DHX34: variants seen among roughly 807,000 people sequenced by gnomAD.
DHX34 encodes the protein probable ATP-dependent RNA helicase DHX34.
In DHX34, 96 loss-of-function variants were observed where a neutral mutation model predicts 111.1. The ratio of observed to expected loss-of-function variants is 0.86; its 90% CI spans 0.73 to 1.02. DHX34 has a LOEUF of 1.02. DHX34 is among the 50% of genes least tolerant of loss of function. The pLI, the probability that DHX34 is intolerant of heterozygous loss-of-function variation, is 0.00. For missense variants in DHX34, 1,560 were observed against 1,579.9 expected (o/e 0.99, Z 0.21); for synonymous variants, 688 against 670.4 (o/e 1.03, Z -0.41).
At chr19:47,376,612 G>C (rs1474418234) in intron 12 of DHX34, 52 bp downstream of exon 12, 3 of 1,537,540 alleles carry the variant, frequency 2.0e-6, no homozygotes, top group Non-Finnish European at 2.6e-6. Flanking sequence ...GAGGGGCAGG[G>C]ATACCGTGAA....
chr19:47,365,414 G>C (rs1290954519), intron 6 of DHX34, among the ~76,000 whole-genome samples: 1 of 152,040 alleles, frequency 6.6e-6, no homozygotes, highest in East Asian at 1.9e-4. Flanking sequence ...ACCAGGCCCA[G>C]CTAATTTTTG....
At chr19:47,362,267 CAAAAAA>C (rs4039582) in intron 5 of DHX34, 178 of 268,210 alleles carry the variant, frequency 6.6e-4, no homozygotes, top group Non-Finnish European at 7.3e-4. Context: ...GACCCTGTCT[CAAAAAA>C]AAAAAAAAAA....
chr19:47,358,732 A>G (rs1049703737), intron 4 of DHX34, among the ~76,000 whole-genome samples: 1 of 152,078 alleles, frequency 6.6e-6, no homozygotes, highest in African/African-American at 2.4e-5. Flanking sequence ...CTCCTGCCTC[A>G]GCCTCCTGAG....
chr19:47,376,745 G>C (rs1015070261), intron 12 of DHX34, 185 bp downstream of exon 12: 1 of 1,433,380 alleles, frequency 7.0e-7, no homozygotes, highest in Non-Finnish European at 9.3e-7. Context: ...ACCCCTGCTG[G>C]GCCTCACCTT....
In DHX34 at chr19:47,375,933, T is replaced by G; in HGVS notation, c.2317T>G (p.Phe773Val). Residue 773 changes from phenylalanine to valine, a missense_variant, in exon 11 of 17, where the codon TTC (phenylalanine) becomes GTC (valine). Phe to Val is a conservative substitution (Grantham distance 50). Coordinates refer to ENST00000328771, the MANE Select transcript of DHX34 (RefSeq NM_014681.6). ...SDGVDIQDVK[F>V]KLRHDLAQLQ... ...CCCGTGCTCCCCCCAGGATGTGAAG[T>G]TCAAGCTTCGGCATGACCTGGCGCA... is the stretch of plus-strand genomic sequence containing the variant. The G allele has an allele frequency of 6.2e-7, 1 of 1,601,270 alleles. No homozygotes were observed. Among genetic ancestry groups the G allele is most frequent in the Non-Finnish European group, 8.5e-7 (1 of 1,176,978 alleles).
Position 47,371,312 on chromosome 19 carries a change from T to C in DHX34, c.1769-1418T>C, listed in dbSNP as rs181258210. ...AGGCTCAGAGAACTGCTGCTCAGGGTCACAGTGGGAACTGAGAGGCACGGA... is the reference window on the plus strand; with the variant it reads ...AGGCTCAGAGAACTGCTGCTCAGGGCCACAGTGGGAACTGAGAGGCACGGA... On this transcript the variant is annotated intron_variant, in intron 7 of 16. Transcript: ENST00000328771. Among the ~76,000 whole-genome samples the C allele has an allele frequency of 9.3e-4, 141 of 152,274 alleles. 3 individuals are homozygous for C. In the South Asian group the frequency reaches 0.012, roughly 13 times the overall value.
intron 7 of DHX34, among the ~76,000 whole-genome samples, chr19:47,371,519 C>T (rs1969965264): frequency 6.6e-6 from 1 of 152,192 alleles, no homozygotes; most frequent in Admixed American, 6.5e-5. Flanking sequence ...GCTGGGGTGT[C>T]CTGGAATAGG....
Position 47,358,126 on chromosome 19 carries a change from A to G in DHX34, c.1272+6A>G. The G allele has an allele frequency of 1.3e-6, 2 of 1,599,522 alleles. No individual in the cohort carries two copies. Among genetic ancestry groups the G allele is most frequent in the Non-Finnish European group, 1.7e-6 (2 of 1,168,656 alleles). On this transcript the variant is annotated splice_donor_region_variant and intron_variant, in intron 4 of 16. Coordinates refer to ENST00000328771, the MANE Select transcript of DHX34 (RefSeq NM_014681.6). ...CTGTGGCCGACCAGGACAAGGTATC[A>G]CAGGAAGCCCGAGTGGGGCAGGCGG...
chr19:47,376,061 C>T lies in DHX34; in HGVS notation c.2445C>T (p.Pro815=), dbSNP rs770947952. The part of the protein sequence containing the change: ...GRGLYPQLAV[P]DAFNSSRKDS... The stretch of plus-strand genomic sequence containing the variant: ...GCCTGTACCCACAGCTGGCCGTCCC[C>T]GACGCCTTCAACAGCAGCCGAAAGG... Residue 815 remains proline, a synonymous_variant, in exon 11 of 17, where the codon CCC becomes CCT. Coordinates refer to ENST00000328771, the MANE Select transcript of DHX34 (RefSeq NM_014681.6). 27 of 1,579,456 alleles carry T rather than the reference C, an allele frequency of 1.7e-5. No homozygotes were observed. The highest frequency in any genetic ancestry group is 4.5e-5 in the East Asian group (2 of 44,304).
At chr19:47,371,042 C>T (rs1010367700) in intron 7 of DHX34, among the ~76,000 whole-genome samples, 1 of 152,216 alleles carries the variant, frequency 6.6e-6, no homozygotes, top group African/African-American at 2.4e-5. Flanking sequence ...GAAGAATGTT[C>T]TGTGAGCTCT....
Position 47,367,151 on chromosome 19 carries a change from G to A in DHX34, c.1764G>A (p.Val588=), listed in dbSNP as rs1456062979. The A allele has an allele frequency of 1.3e-6, 2 of 1,530,270 alleles. No homozygotes were observed. Among genetic ancestry groups the A allele is most frequent in the African/African-American group, 2.8e-5 (2 of 71,520 alleles). The allele number at this position is 1,530,270 out of a possible 1,614,324, so 94.8% of individuals were successfully genotyped here. The change falls in exon 7 of 17, where the codon GTG becomes GTA. Residue 588 remains valine (V), a synonymous_variant. Transcript: ENST00000328771. ...TAGCCCAGCTGCCTGTGGACGTTGT[G>A]ATTGGTGAGTACCCACCCCCCTCCT... ...SLLAQLPVDV[V]IGKMLILGSM... is the part of the protein sequence containing the mutation.
chr19:47,359,373 G>A (rs1403864621), intron 4 of DHX34, among the ~76,000 whole-genome samples: 1 of 151,224 alleles, frequency 6.6e-6, no homozygotes, highest in East Asian at 2.0e-4. Context: ...GATGCAGGAG[G>A]ATCGCATGAG....
chr19:47,360,947 G>A (rs1250302135), intron 5 of DHX34, among the ~76,000 whole-genome samples: 3 of 151,938 alleles, frequency 2.0e-5, no homozygotes, highest in Non-Finnish European at 4.4e-5. Context: ...TGGGATTACG[G>A]GCATGAGCCA....
At chr19:47,374,298 A>G (rs1327064369) in intron 9 of DHX34, among the ~76,000 whole-genome samples, 1 of 151,882 alleles carries the variant, frequency 6.6e-6, no homozygotes, top group African/African-American at 2.4e-5. Context: ...TTAGCCAGGC[A>G]TGGTGGCACG....
rs1246787177 is a variant in DHX34, at chr19:47,359,968, G to T, written c.1273G>T (p.Val425Leu). 6.2e-7 allele frequency: 1 copy of T among 1,614,062 alleles called. No individual in the cohort carries two copies. Among genetic ancestry groups the T allele is most frequent in the Non-Finnish European group, 8.5e-7 (1 of 1,179,970 alleles). The change falls in exon 5 of 17, where the codon GTA becomes TTA. Residue 425 changes from valine (V) to leucine (L), a missense_variant and splice_region_variant. Coordinates refer to ENST00000328771, the MANE Select transcript of DHX34 (RefSeq NM_014681.6). ...ACACCACCCCCTCCCTTCCTCCCAG[G>T]TATTTGATGTGGCACCCCCTGGAGT... The part of the protein sequence containing the change: ...SALSVADQDK[V>L]FDVAPPGVRK...
Position 47,375,635 on chromosome 19 carries a change from A to G in DHX34, c.2234A>G (p.Gln745Arg). 1 of 1,552,596 alleles carries G rather than the reference A, an allele frequency of 6.4e-7. No individual in the cohort carries two copies. The highest frequency in any genetic ancestry group is 8.7e-7 in the Non-Finnish European group (1 of 1,151,774). Reference sequence around the variant, plus strand: ...AAGGTGCTGCGGCTGCAGGAGGAGCAGGACGGCGGCTCCAGTGACGAGGAC... The same window carrying G: ...AAGGTGCTGCGGCTGCAGGAGGAGCGGGACGGCGGCTCCAGTGACGAGGAC... The part of the protein sequence containing the change: ...RRKVLRLQEE[Q>R]DGGSSDEDRA... Residue 745 changes from glutamine to arginine, a missense_variant, in exon 10 of 17, where the codon CAG becomes CGG. Gln to Arg is a conservative substitution (Grantham distance 43). Transcript: ENST00000328771.
intron 13 of DHX34, among the ~76,000 whole-genome samples, chr19:47,377,596 G>C (rs1970210145): frequency 7.6e-6 from 1 of 131,262 alleles, no homozygotes; most frequent in African/African-American, 3.3e-5. Flanking sequence ...CCCAGGCAGA[G>C]ACCCAAAGAG....
intron 9 of DHX34, 25 bp from the exon 10 acceptor site, chr19:47,375,441 C>T (rs942183378): frequency 2.6e-6 from 4 of 1,563,940 alleles, no homozygotes; most frequent in African/African-American, 2.7e-5. Flanking sequence ...CCCTGAGGCC[C>T]TCACCCCTAC....
chr19:47,361,233 A>G, intron 5 of DHX34, among the ~76,000 whole-genome samples: 1 of 151,462 alleles, frequency 6.6e-6, no homozygotes, highest in East Asian at 2.0e-4. Context: ...CAAGGCAGGC[A>G]GGTCACTTGA....
Sources: allele counts gnomAD v4.1 joint callset (sites outside exome capture counted in the v4.1 genomes callset), GRCh38; gene constraint gnomAD v4.1.1; transcripts MANE v1.5; gene names NCBI Gene and HGNC (gene_info 2026-07-23, HGNC 2026-07-21).